The following ANKH variants were observed in gnomAD, a reference collection of about 807,000 sequenced individuals.
The protein encoded by ANKH is ANKH inorganic pyrophosphate transport regulator, also known as mineralization regulator ANKH.
Under a neutral mutation model 49.0 loss-of-function variants are expected in ANKH, and 15 were observed. The observed-to-expected ratio is 0.31, with a 90% CI of 0.20 to 0.47. ANKH has a LOEUF of 0.47. Among genes scored for constraint, ANKH ranks in the 20% least tolerant of loss-of-function variants. The pLI is 1.00. For synonymous variants in ANKH, 273 were observed against 260.0 expected (o/e 1.05, Z -0.48); for missense variants, 429 against 652.0 (o/e 0.66, Z 3.72).
chr5:14,750,951 G>C, intron 5 of ANKH, 118 bp downstream of exon 5: 1 of 1,306,428 alleles, frequency 7.7e-7, no homozygotes, highest in Non-Finnish European at 1.1e-6. Flanking sequence ...CTCTGGGTAT[G>C]ACATCCTGGC....
At chr5:14,869,492 G>A (rs1200203193) in intron 1 of ANKH, 1 of 152,174 alleles carries the variant, frequency 6.6e-6, no homozygotes, top group Non-Finnish European at 1.5e-5. Flanking sequence ...ATAACATTTT[G>A]CTTCTCTGCA....
Position 14,803,426 on chromosome 5 carries a change from C to T in ANKH, c.97-34235G>A, listed in dbSNP as rs530502864. On this transcript the variant is annotated intron_variant, in intron 1 of 11. Transcript: ENST00000284268. ...TCCTGAGTAGCTGGGACTACAGGCA[C>T]GCACCACCACTCCCAACTAATTTTT... Among the ~76,000 whole-genome samples, 7 of 152,072 alleles carry T rather than the reference C, an allele frequency of 4.6e-5. No individual in the cohort carries two copies. In the East Asian group the frequency reaches 7.7e-4, roughly 17 times the overall value.
chr5:14,851,026 T>C (rs1580117218), intron 1 of ANKH, among the ~76,000 whole-genome samples: 2 of 152,054 alleles, frequency 1.3e-5, no homozygotes, highest in African/African-American at 4.8e-5. Context: ...AAGAGCAGTG[T>C]ATATAAGAAG....
intron 9 of ANKH, among the ~76,000 whole-genome samples, chr5:14,714,884 C>T (rs1737385769): frequency 6.6e-6 from 1 of 152,232 alleles, no homozygotes; most frequent in Non-Finnish European, 1.5e-5. Context: ...CCAGGCCCCT[C>T]CTCTGGTCAC....
intron 2 of ANKH, among the ~76,000 whole-genome samples, chr5:14,767,023 C>T (rs1374693971): frequency 2.6e-5 from 4 of 151,976 alleles, no homozygotes; most frequent in Non-Finnish European, 5.9e-5. Flanking sequence ...TGGGTGTAAG[C>T]GTCAAATATA....
chr5:14,733,972 G>A (rs1255625705), intron 8 of ANKH, among the ~76,000 whole-genome samples: 1 of 152,230 alleles, frequency 6.6e-6, no homozygotes, highest in African/African-American at 2.4e-5. Context: ...TAAAAAACCT[G>A]TAGGGAATCA....
intron 1 of ANKH, among the ~76,000 whole-genome samples, chr5:14,771,854 C>T (rs1157938293): frequency 2.1e-5 from 3 of 140,198 alleles, no homozygotes; most frequent in Admixed American, 7.7e-5. Flanking sequence ...GTGGAGGTTG[C>T]GATGAGCTGA....
intron 1 of ANKH, among the ~76,000 whole-genome samples, chr5:14,849,166 G>A (rs535924454): frequency 2.0e-5 from 3 of 152,242 alleles, no homozygotes; most frequent in East Asian, 1.9e-4. Context: ...AACCTCAGTC[G>A]CTAAGGAACT....
chr5:14,853,317 T>G lies in ANKH; in HGVS notation c.96+18035A>C, dbSNP rs1742167155. 2.0e-5 allele frequency among the ~76,000 whole-genome samples: 3 copies of G among 152,210 alleles called. No individual in the cohort carries two copies. In the South Asian group the frequency reaches 6.2e-4, roughly 32 times the overall value. The stretch of plus-strand genomic sequence containing the variant: ...GTGGTCAGGTGTGGTGGCTCACGCC[T>G]GTAATCCCAACATTTTGAGAGGCCA... On this transcript the variant is annotated intron_variant, in intron 1 of 11. Coordinates refer to ENST00000284268, the MANE Select transcript of ANKH (RefSeq NM_054027.6).
chr5:14,711,779 C>G (rs1164194488), intron 11 of ANKH, among the ~76,000 whole-genome samples: 1 of 152,240 alleles, frequency 6.6e-6, no homozygotes, highest in East Asian at 1.9e-4. Flanking sequence ...TACTGCCTGT[C>G]CTAGTTCCTG....
At chr5:14,775,403 AT>A (rs1323860084) in intron 1 of ANKH, among the ~76,000 whole-genome samples, 7 of 152,290 alleles carry the variant, frequency 4.6e-5, no homozygotes, top group African/African-American at 1.7e-4. Context: ...AAATAGGACA[AT>A]TATAACAATA....
At position 14,705,743 on chromosome 5, in the gene ANKH, C is replaced by G. The variant is rs1736923138; in HGVS notation, c.*5454G>C. The G allele has an allele frequency of 6.5e-6, 1 of 152,896 alleles. No homozygotes were observed. Among genetic ancestry groups the G allele is most frequent in the Non-Finnish European group, 1.5e-5 (1 of 68,174 alleles). The allele number at this position is 152,896 out of a possible 1,614,324, so 9.5% of individuals were successfully genotyped here. A position where few individuals can be genotyped will look rare whatever the true frequency, so the allele number is the denominator to read the frequency against. On this transcript the variant is annotated 3_prime_UTR_variant, in exon 12 of 12. Transcript: ENST00000284268. ...GGGTAAGGGACCTGCTGCACGGTGA[C>G]ATGACCATCGCTGTGGGGTGCTGGG...
intron 3 of ANKH, among the ~76,000 whole-genome samples, chr5:14,757,431 T>TATA (rs1491137786): frequency 0.01 from 1,110 of 106,360 alleles, 6 homozygotes; most frequent in African/African-American, 0.015. Flanking sequence ...TATATATATA[T>TATA]TTTTTTTTTT....
At chr5:14,814,343 G>A (rs1180377006) in intron 1 of ANKH, among the ~76,000 whole-genome samples, 1 of 152,228 alleles carries the variant, frequency 6.6e-6, no homozygotes, top group Non-Finnish European at 1.5e-5. Context: ...ACACACGCCT[G>A]TAATCCCAGC....
chr5:14,721,047 G>A lies in ANKH; in HGVS notation c.1012-4212C>T, dbSNP rs554016069. On this transcript the variant is annotated intron_variant, in intron 8 of 11. Coordinates refer to ENST00000284268, the MANE Select transcript of ANKH (RefSeq NM_054027.6). Reference sequence around the variant, plus strand: ...AAACCTTTGGAGCAGTGGGTGGGGGGTCAGCTTGAGGACATGATAGTGAGT... The same window carrying A: ...AAACCTTTGGAGCAGTGGGTGGGGGATCAGCTTGAGGACATGATAGTGAGT... 3.3e-5 allele frequency among the ~76,000 whole-genome samples: 5 copies of A among 152,310 alleles called. No homozygotes were observed. In the South Asian group the frequency reaches 1.0e-3, roughly 32 times the overall value.
intron 1 of ANKH, among the ~76,000 whole-genome samples, chr5:14,858,746 TAAATAAATAAATAAAATA>T (rs1735381978): frequency 9.8e-6 from 1 of 102,234 alleles, no homozygotes; most frequent in African/African-American, 3.3e-5. Flanking sequence ...AATAAATAAA[TAAATAAATAAATAAAATA>T]AAATAAAATA....
Position 14,737,253 on chromosome 5 carries a change from AGATACAGCCCAT to A in ANKH, c.1011+4562_1011+4573del, listed in dbSNP as rs1738216511. On this transcript the variant is annotated intron_variant, in intron 8 of 11. Coordinates refer to ENST00000284268, the MANE Select transcript of ANKH (RefSeq NM_054027.6). This position sits in a 1 kb window ranked among gnomAD's most constrained non-coding sequence, Gnocchi z 5.0. ...CTTCCCCACCAAAAGGACTGTTGGA[AGATACAGCCCAT>A]GCCGGTGAGTGGTTTCTATCTTATC... 6.6e-6 allele frequency among the ~76,000 whole-genome samples: 1 copy of A among 152,184 alleles called. No homozygotes were observed.
chr5:14,800,224 C>T (rs258222), intron 1 of ANKH, among the ~76,000 whole-genome samples: 93,550 of 152,044 alleles, frequency 0.62, 29,107 homozygotes, highest in East Asian at 0.84. Flanking sequence ...CTGCTTCTTA[C>T]GGATAAGCAA....
At chr5:14,811,260 GACAGTGCTGACCAATAACC>G (rs1378080568) in intron 1 of ANKH, among the ~76,000 whole-genome samples, 1 of 151,784 alleles carries the variant, frequency 6.6e-6, no homozygotes, top group Non-Finnish European at 1.5e-5. Context: ...ACGATAAAAA[GACAGTGCTGACCAATAACC>G]ACAGCACAGC....
Sources: gnomAD v4.1 joint callset for allele counts (sites outside exome capture counted in the v4.1 genomes callset) on GRCh38, gnomAD v4.1.1 for gene constraint, Gnocchi (gnomAD v3.1) non-coding constraint, MANE v1.5 for transcripts, NCBI Gene and HGNC (gene_info 2026-07-23, HGNC 2026-07-21) for gene names.